Variants in RBFOX1 observed in about 807,000 individuals in gnomAD.
RBFOX1 encodes the protein RNA binding fox-1 homolog 1.
RBFOX1 carries 8 observed loss-of-function variants against 57.7 expected under a neutral mutation model. The observed-to-expected ratio is 0.14, with a 90% CI of 0.08 to 0.25. The LOEUF is 0.25. Ranked by LOEUF, RBFOX1 falls within the 10% of genes least tolerant of loss-of-function variation. The pLI is 1.00. For missense variants in RBFOX1, 611 were observed against 548.5 expected, an observed-to-expected ratio of 1.11 and a Z score of -1.14; for synonymous variants, 326 against 222.4, an observed-to-expected ratio of 1.47 and a Z score of -4.15.
intron 2 of RBFOX1, among the ~76,000 whole-genome samples, chr16:6,520,323 A>G (rs1429283374): frequency 1.3e-5 from 2 of 152,354 alleles, no homozygotes; most frequent in Non-Finnish European, 2.9e-5. Flanking sequence ...TTATAGAACT[A>G]CAAAATCCTT....
intron 10 of RBFOX1, among the ~76,000 whole-genome samples, chr16:7,626,303 T>C (rs2060059351): frequency 1.3e-5 from 2 of 152,210 alleles, no homozygotes; most frequent in Admixed American, 6.5e-5. Flanking sequence ...GGGCCAGGAA[T>C]GATCCCCTGC....
intron 2 of RBFOX1, among the ~76,000 whole-genome samples, chr16:6,629,990 A>T: frequency 1.4e-5 from 2 of 147,392 alleles, no homozygotes; most frequent in Non-Finnish European, 1.5e-5. Flanking sequence ...AAAAAAGACC[A>T]TTGCTTTCAG....
At chr16:7,519,263 T>A (rs949903767) in intron 5 of RBFOX1, among the ~76,000 whole-genome samples, 2 of 152,132 alleles carry the variant, frequency 1.3e-5, no homozygotes, top group Non-Finnish European at 2.9e-5. Flanking sequence ...GCCTAATACA[T>A]TTGAGATTCA....
intron 3 of RBFOX1, among the ~76,000 whole-genome samples, chr16:6,750,934 A>G (rs1412063767): frequency 2.0e-5 from 3 of 152,180 alleles, no homozygotes; most frequent in Non-Finnish European, 4.4e-5. Context: ...GTGCTCTTGG[A>G]GAAGAACCCA....
rs13338160 is a variant in RBFOX1 at position 6,986,803 on chromosome 16, C to G, written c.-15-65254C>G. Among the ~76,000 whole-genome samples the G allele has an allele frequency of 2.0e-5, 3 of 152,188 alleles. No individual in the cohort carries two copies. The East Asian group carries it at 5.8e-4, about 29-fold the overall frequency. On this transcript the variant is annotated intron_variant, in intron 3 of 15. Coordinates refer to ENST00000550418, the MANE Select transcript of RBFOX1 (RefSeq NM_018723.4). ...TTGCCTTTAAGAAAATAACTGAACACGCTGTAGGGCAGGTGCCTGTATGTT... is the reference window on the plus strand; with the variant it reads ...TTGCCTTTAAGAAAATAACTGAACAGGCTGTAGGGCAGGTGCCTGTATGTT...
chr16:6,276,549 G>T (rs973195279), intron 1 of RBFOX1, among the ~76,000 whole-genome samples: 1 of 152,052 alleles, frequency 6.6e-6, no homozygotes, highest in Admixed American at 6.6e-5. Flanking sequence ...TACCGTGTTG[G>T]CCAGGTTGGT....
chr16:5,687,211 T>A (rs552652281), intron 3 of RBFOX1, among the ~76,000 whole-genome samples: 12 of 152,158 alleles, frequency 7.9e-5, no homozygotes, highest in Non-Finnish European at 1.5e-4. Flanking sequence ...TAAGGTTGAA[T>A]GTGATGTGTG....
chr16:7,623,833 C>T (rs1225455010), intron 10 of RBFOX1, among the ~76,000 whole-genome samples: 1 of 152,182 alleles, frequency 6.6e-6, no homozygotes, highest in African/African-American at 2.4e-5. Context: ...ACCTGGGTTT[C>T]CCTGTGTGTC....
chr16:7,075,309 T>C (rs977902527), intron 4 of RBFOX1, among the ~76,000 whole-genome samples: 1 of 152,218 alleles, frequency 6.6e-6, no homozygotes, highest in African/African-American at 2.4e-5. Flanking sequence ...TTAACAATTA[T>C]TTATAGAGCA....
chr16:7,224,012 A>G (rs907176318), intron 4 of RBFOX1, among the ~76,000 whole-genome samples: 7 of 151,222 alleles, frequency 4.6e-5, no homozygotes, highest in Non-Finnish European at 8.8e-5. Context: ...AGTAAAGTAC[A>G]TATTATTTAT....
At chr16:6,791,257 C>T (rs1238221750) in intron 3 of RBFOX1, among the ~76,000 whole-genome samples, 3 of 152,196 alleles carry the variant, frequency 2.0e-5, no homozygotes, top group Non-Finnish European at 4.4e-5. Context: ...GAGATTCCAG[C>T]TGCCATTGAC....
At chr16:7,045,016 G>A (rs909337069) in intron 3 of RBFOX1, among the ~76,000 whole-genome samples, 2 of 152,178 alleles carry the variant, frequency 1.3e-5, no homozygotes, top group Admixed American at 6.5e-5. Flanking sequence ...CACAACTCAT[G>A]ATGGGATTCT....
intron 3 of RBFOX1, among the ~76,000 whole-genome samples, chr16:6,977,897 G>A (rs1465113626): frequency 1.4e-5 from 2 of 142,458 alleles, no homozygotes; most frequent in African/African-American, 2.8e-5. Context: ...ACTCTCTAGG[G>A]AGATCCCAAG....
intron 1 of RBFOX1, among the ~76,000 whole-genome samples, chr16:5,424,974 C>CTTTTCTTTTCTTTTCTTTTCT (rs747960592): frequency 5.7e-5 from 4 of 70,682 alleles, no homozygotes; most frequent in Admixed American, 1.8e-4. Context: ...CTCTTTCTTT[C>CTTTTCTTTTCTTTTCTTTTCT]TTTCTTTTCT....
At chr16:6,457,549 T>C (rs534180922) in intron 2 of RBFOX1, among the ~76,000 whole-genome samples, 1 of 151,808 alleles carries the variant, frequency 6.6e-6, no homozygotes, top group African/African-American at 2.4e-5. Context: ...TTTAATCATC[T>C]GAGCTCTAGC....
chr16:7,291,155 T>C (rs918037717), intron 4 of RBFOX1, among the ~76,000 whole-genome samples: 14 of 152,242 alleles, frequency 9.2e-5, no homozygotes, highest in Admixed American at 2.0e-4. Flanking sequence ...GAGGGAGATA[T>C]GTAGAAGAAG....
chr16:6,537,446 A>G (rs1160561850), intron 2 of RBFOX1, among the ~76,000 whole-genome samples: 1 of 152,190 alleles, frequency 6.6e-6, no homozygotes, highest in Non-Finnish European at 1.5e-5. Flanking sequence ...AACACTCACA[A>G]CAGTATAGAT....
intron 4 of RBFOX1, among the ~76,000 whole-genome samples, chr16:7,240,842 T>C (rs1444919085): frequency 6.6e-6 from 1 of 152,216 alleles, no homozygotes; most frequent in Non-Finnish European, 1.5e-5. Context: ...AGTTCTAGGA[T>C]TACAGGCGTG....
At chr16:6,761,857 C>G (rs13338668) in intron 3 of RBFOX1, among the ~76,000 whole-genome samples, 2,619 of 152,098 alleles carry the variant, frequency 0.017, 77 homozygotes, top group African/African-American at 0.06. Flanking sequence ...CTCAAAGCAA[C>G]TACATCTCTC....
Sources: allele counts gnomAD v4.1 joint callset (sites outside exome capture counted in the v4.1 genomes callset), GRCh38; gene constraint gnomAD v4.1.1; transcripts MANE v1.5; gene names NCBI Gene and HGNC (gene_info 2026-07-23, HGNC 2026-07-21).